The following RTN1 variants were observed in gnomAD, a reference collection of about 807,000 sequenced individuals.
The protein encoded by RTN1 is reticulon 1, also known as reticulon-1.
In RTN1, 25 loss-of-function variants were observed where a neutral mutation model predicts 65.5. The ratio of observed to expected loss-of-function variants is 0.38; its 90% CI spans 0.28 to 0.53. The LOEUF (loss-of-function observed/expected upper bound fraction) is 0.53. Among genes scored for constraint, RTN1 ranks in the 20% least tolerant of loss-of-function variants. The pLI is 0.79. For missense variants in RTN1, 983 were observed against 1,025.4 expected (o/e 0.96, Z 0.57); for synonymous variants, 471 against 447.6 (o/e 1.05, Z -0.66).
rs143420964 is a variant in RTN1 at position 59,630,943 on chromosome 14, G to C, written c.1766-23451C>G. On this transcript the variant is annotated intron_variant, in intron 3 of 8. Transcript: ENST00000267484. ...AGTTCTTGACTCCCAGAATATGCGA[G>C]GTGCATATTCTAGAAATTTCTGAGA... 9.9e-3 allele frequency: 6,150 copies of C among 620,748 alleles called. 51 individuals carry two copies. The highest frequency in any genetic ancestry group is 0.023 in the Middle Eastern group (28 of 1,196). 38.5% of individuals were successfully genotyped at this position (620,748 alleles called of 1,614,324 possible). A position where few individuals can be genotyped will look rare whatever the true frequency, so the allele number is the denominator to read the frequency against.
In RTN1 at chr14:59,665,979, C is replaced by T. The variant is rs565626575; in HGVS notation, c.1766-58487G>A. 9.7e-4 allele frequency among the ~76,000 whole-genome samples: 147 copies of T among 152,210 alleles called. 2 individuals are homozygous for T. Among genetic ancestry groups the T allele is most frequent in the South Asian group, 2.1e-4 (1 of 4,822 alleles). On this transcript the variant is annotated intron_variant, in intron 3 of 8. Transcript: ENST00000267484. ...ACCTACAAAGAGACTTAGACGCCCACGCAATAATAATGGGAGACTTTAACA... is the reference window on the plus strand; with the variant it reads ...ACCTACAAAGAGACTTAGACGCCCATGCAATAATAATGGGAGACTTTAACA...
chr14:59,632,026 A>G (rs576610868), intron 3 of RTN1, among the ~76,000 whole-genome samples: 2 of 152,310 alleles, frequency 1.3e-5, no homozygotes, highest in Admixed American at 1.3e-4. Context: ...ATGCTTGTAG[A>G]CATGATTTAT....
At chr14:59,676,250 T>G (rs1883625118) in intron 3 of RTN1, among the ~76,000 whole-genome samples, 1 of 152,194 alleles carries the variant, frequency 6.6e-6, no homozygotes. Flanking sequence ...TTTTAGCTAG[T>G]TTTTGCACAG....
At chr14:59,657,683 C>T (rs1475122611) in intron 3 of RTN1, among the ~76,000 whole-genome samples, 2 of 152,176 alleles carry the variant, frequency 1.3e-5, no homozygotes, top group Non-Finnish European at 2.9e-5. Context: ...CCATGAGGGA[C>T]TGTGCCATGA....
At chr14:59,742,410 T>G (rs545661971) in intron 2 of RTN1, among the ~76,000 whole-genome samples, 2 of 152,314 alleles carry the variant, frequency 1.3e-5, no homozygotes, top group South Asian at 4.1e-4. Context: ...TTGCTTCACT[T>G]TTTTCATGAC....
intron 1 of RTN1, among the ~76,000 whole-genome samples, chr14:59,852,287 T>C (rs749126632): frequency 7.2e-5 from 11 of 152,216 alleles, no homozygotes; most frequent in Non-Finnish European, 1.6e-4. Context: ...TATGTTCATA[T>C]ATAAATAAAA....
chr14:59,769,541 T>C (rs1287752547), intron 1 of RTN1, among the ~76,000 whole-genome samples: 2 of 152,198 alleles, frequency 1.3e-5, no homozygotes, highest in Admixed American at 6.5e-5. Context: ...CTGCTCCTTG[T>C]AAAACCAGAC....
chr14:59,756,775 C>T (rs1885645298), intron 1 of RTN1, among the ~76,000 whole-genome samples: 2 of 144,894 alleles, frequency 1.4e-5, no homozygotes, highest in Non-Finnish European at 3.0e-5. Flanking sequence ...CTTTTGCTCC[C>T]CACCCCCCAC....
chr14:59,858,530 T>A lies in RTN1; in HGVS notation c.241+11860A>T, dbSNP rs73302102. On this transcript the variant is annotated intron_variant, in intron 1 of 8. Transcript: ENST00000267484. ...TATGCATAAAACAAAATTCTAGGAATTTTGGAGAATGTGAGCGTCAACAAA... is the reference window on the plus strand; with the variant it reads ...TATGCATAAAACAAAATTCTAGGAAATTTGGAGAATGTGAGCGTCAACAAA... 2.7e-3 allele frequency among the ~76,000 whole-genome samples: 403 copies of A among 150,986 alleles called. 3 individuals carry two copies. Among genetic ancestry groups the A allele is most frequent in the African/African-American group, 9.4e-3 (389 of 41,358 alleles).
chr14:59,835,141 A>G (rs1196205613), intron 1 of RTN1, among the ~76,000 whole-genome samples: 6 of 152,198 alleles, frequency 3.9e-5, no homozygotes, highest in Non-Finnish European at 8.8e-5. Context: ...ATTGTGATGT[A>G]TCCATACAAT....
intron 2 of RTN1, among the ~76,000 whole-genome samples, chr14:59,741,614 C>G (rs1011492398): frequency 6.6e-6 from 1 of 152,144 alleles, no homozygotes; most frequent in African/African-American, 2.4e-5. Context: ...TACTTTTCAG[C>G]TTAAAACCCT....
At chr14:59,630,595 C>T in intron 3 of RTN1, 4 of 1,590,122 alleles carry the variant, frequency 2.5e-6, no homozygotes, top group South Asian at 1.1e-5. Flanking sequence ...CGGCTGGGCT[C>T]GCAGTGGCCG....
chr14:59,807,571 G>C (rs1203927240), intron 1 of RTN1, among the ~76,000 whole-genome samples: 1 of 152,192 alleles, frequency 6.6e-6, no homozygotes, highest in African/African-American at 2.4e-5. Context: ...GCTGCTTCTA[G>C]GACATGGCAG....
chr14:59,868,221 AAC>A lies in RTN1; in HGVS notation c.241+2167_241+2168del, dbSNP rs1887831450. ...AGCACATCCGGTCTACTTAATAAGA[AAC>A]ACAGAGATTTAAGACATTAACCAAT... is the stretch of plus-strand genomic sequence containing the variant. On this transcript the variant is annotated intron_variant, in intron 1 of 8. Coordinates refer to ENST00000267484, the MANE Select transcript of RTN1 (RefSeq NM_021136.3). The surrounding 1 kb of genome is among the most constrained non-coding windows in gnomAD (Gnocchi z 4.0). Among the ~76,000 whole-genome samples the A allele has an allele frequency of 6.6e-6, 1 of 152,218 alleles. No individual in the cohort carries two copies. Among genetic ancestry groups the A allele is most frequent in the African/African-American group, 2.4e-5 (1 of 41,462 alleles).
chr14:59,805,359 C>A (rs772645375), intron 1 of RTN1, among the ~76,000 whole-genome samples: 4 of 152,180 alleles, frequency 2.6e-5, no homozygotes, highest in Non-Finnish European at 5.9e-5. Flanking sequence ...GAAACAGTTT[C>A]TGACACAGAA....
chr14:59,735,168 A>G (rs1304971248), intron 2 of RTN1, among the ~76,000 whole-genome samples: 2 of 152,208 alleles, frequency 1.3e-5, no homozygotes, highest in Non-Finnish European at 1.5e-5. Flanking sequence ...AATAAGATCC[A>G]TTTCAGACAA....
intron 1 of RTN1, among the ~76,000 whole-genome samples, chr14:59,845,688 A>G (rs1384430513): frequency 6.6e-6 from 1 of 152,096 alleles, no homozygotes; most frequent in East Asian, 1.9e-4. Flanking sequence ...ATTCTCAGCT[A>G]CCCCTTCCCC....
chr14:59,851,557 T>C (rs1887507754), intron 1 of RTN1, among the ~76,000 whole-genome samples: 1 of 152,146 alleles, frequency 6.6e-6, no homozygotes, highest in African/African-American at 2.4e-5. Context: ...CTTAATGTTA[T>C]TCATAAGAAT....
chr14:59,698,096 G>T (rs983377528), intron 3 of RTN1, among the ~76,000 whole-genome samples: 2 of 152,134 alleles, frequency 1.3e-5, no homozygotes, highest in African/African-American at 4.8e-5. Context: ...ATGATTAGTG[G>T]ATAAGTAACA....
Sources: allele counts gnomAD v4.1 joint callset (sites outside exome capture counted in the v4.1 genomes callset), GRCh38; gene constraint gnomAD v4.1.1; non-coding constraint Gnocchi (gnomAD v3.1); transcripts MANE v1.5; gene names NCBI Gene and HGNC (gene_info 2026-07-23, HGNC 2026-07-21).